Variants in MYO1H observed in about 807,000 individuals in gnomAD.
MYO1H encodes unconventional myosin-Ih.
In MYO1H, 118 loss-of-function variants were observed where a neutral mutation model predicts 149.3. The ratio of observed to expected loss-of-function variants is 0.79; its 90% CI spans 0.68 to 0.92. The LOEUF (loss-of-function observed/expected upper bound fraction) is 0.92, where lower values mean the gene tolerates loss of function less well. Ranked by LOEUF, MYO1H falls within the 40% of genes least tolerant of loss-of-function variation. The pLI is 0.00. For synonymous variants in MYO1H, 447 were observed against 465.2 expected, an observed-to-expected ratio of 0.96 and a Z score of 0.50; for missense variants, 1,212 against 1,280.7, an observed-to-expected ratio of 0.95 and a Z score of 0.82.
At chr12:109,355,865 G>A (rs1045587433) in intron 1 of MYO1H, among the ~76,000 whole-genome samples, 3 of 137,740 alleles carry the variant, frequency 2.2e-5, no homozygotes, top group Non-Finnish European at 3.1e-5. Context: ...GTGCTGCCAC[G>A]CCCAGCAAAT....
chr12:109,410,711 C>A (rs759100663), exon 13 of MYO1H: 1 of 1,600,398 alleles, frequency 6.2e-7, no homozygotes, highest in Non-Finnish European at 8.5e-7. Flanking sequence ...AATATTTCAA[C>A]AACAAGATCA....
chr12:109,409,430 T>A, intron 10 of MYO1H, 127 bp from the exon 11 acceptor site: 1 of 823,318 alleles, frequency 1.2e-6, no homozygotes, highest in Non-Finnish European at 2.1e-6. Flanking sequence ...CCAAAGATTT[T>A]CCGCATTGTT....
intron 2 of MYO1H, 46 bp from the exon 3 acceptor site, chr12:109,393,285 T>A: frequency 3.3e-6 from 4 of 1,205,654 alleles, no homozygotes; most frequent in Non-Finnish European, 4.8e-6. Flanking sequence ...GTGACAGTCT[T>A]TTGCACCCCA....
chr12:109,442,200 T>C lies in MYO1H; in HGVS notation c.2633-17T>C, dbSNP rs1231206523. Reference sequence around the variant, plus strand: ...GTACTTTAGTGATGATTCATGGCCTTCTGGTTCCCTCTCTAGATGAAGGAG... The same window carrying C: ...GTACTTTAGTGATGATTCATGGCCTCCTGGTTCCCTCTCTAGATGAAGGAG... On this transcript the variant is annotated splice_polypyrimidine_tract_variant and intron_variant, in intron 26 of 31. Coordinates refer to ENST00000310903, the Ensembl canonical transcript of MYO1H. 6.2e-7 allele frequency: 1 copy of C among 1,612,684 alleles called. No homozygotes were observed. Among genetic ancestry groups the C allele is most frequent in the Admixed American group, 1.7e-5 (1 of 60,018 alleles).
At chr12:109,392,962 A>G (rs1566025024) in intron 2 of MYO1H, among the ~76,000 whole-genome samples, 1 of 151,704 alleles carries the variant, frequency 6.6e-6, no homozygotes, top group African/African-American at 2.4e-5. Flanking sequence ...GGCATGCACC[A>G]TCACACCTGG....
At chr12:109,432,330 C>T (rs1427733157) in intron 19 of MYO1H, among the ~76,000 whole-genome samples, 1 of 151,878 alleles carries the variant, frequency 6.6e-6, no homozygotes, top group East Asian at 1.9e-4. Flanking sequence ...CGGGGTCTGC[C>T]CAGGCTGGTC....
At chr12:109,401,182 C>T in exon 6 of MYO1H, 6 of 1,613,910 alleles carry the variant, frequency 3.7e-6, no homozygotes, top group Non-Finnish European at 5.1e-6. Flanking sequence ...ATTTCCACAT[C>T]TTCTACCAGC....
At chr12:109,360,155 A>T (rs113417268) in intron 1 of MYO1H, among the ~76,000 whole-genome samples, 214 of 151,022 alleles carry the variant, frequency 1.4e-3, no homozygotes, top group African/African-American at 5.0e-3. Flanking sequence ...GTGGATAAAT[A>T]TGAGACTGCA....
At chr12:109,408,079 G>A in intron 10 of MYO1H, 166 bp downstream of exon 10, 2 of 815,518 alleles carry the variant, frequency 2.5e-6, no homozygotes, top group Non-Finnish European at 3.9e-6. Context: ...CAGTATGGGT[G>A]CATGCCGAAT....
intron 23 of MYO1H, 28 bp from the exon 24 acceptor site, chr12:109,439,602 GA>G: frequency 6.3e-7 from 1 of 1,588,304 alleles, no homozygotes; most frequent in Non-Finnish European, 8.6e-7. Flanking sequence ...AAATGGTCCA[GA>G]AAAGTAAGAA....
the MYO1H span, among the ~76,000 whole-genome samples, chr12:109,316,689 A>G: frequency 2.0e-5 from 3 of 152,174 alleles, no homozygotes; most frequent in Non-Finnish European, 2.9e-5. Context: ...AGGGTTTACA[A>G]TAGGAACAAT....
chr12:109,421,664 G>A (rs553391326), intron 16 of MYO1H, among the ~76,000 whole-genome samples: 10 of 152,222 alleles, frequency 6.6e-5, no homozygotes, highest in African/African-American at 2.4e-4. Flanking sequence ...GGGGTGACAT[G>A]ATCTGAGGAC....
chr12:109,439,645 T>C, exon 24 of MYO1H: 3 of 1,612,342 alleles, frequency 1.9e-6, no homozygotes, highest in Non-Finnish European at 1.7e-6. Flanking sequence ...ATTAAAGGAT[T>C]CATCAGTCGC....
At chr12:109,376,402 A>C (rs1233342199) in intron 1 of MYO1H, among the ~76,000 whole-genome samples, 1 of 152,190 alleles carries the variant, frequency 6.6e-6, no homozygotes, top group Non-Finnish European at 1.5e-5. Flanking sequence ...AGGTTCATCC[A>C]TGTTGTAACA....
At chr12:109,417,710 A>G (rs536479514) in intron 15 of MYO1H, among the ~76,000 whole-genome samples, 3 of 152,308 alleles carry the variant, frequency 2.0e-5, no homozygotes, top group Admixed American at 6.5e-5. Context: ...CTAATGACCT[A>G]TGATATTAAA....
Position 109,415,521 on chromosome 12 carries a change from C to G in MYO1H, c.1503-5C>G, listed in dbSNP as rs779703524. ...GTTCAACTCGTGTCTATTTCTGTCT[C>G]GTAGCCGTAAGCTGGCTGGTCCAAA... On this transcript the variant is annotated splice_region_variant and splice_polypyrimidine_tract_variant and intron_variant, in intron 14 of 31. Coordinates refer to ENST00000310903, the Ensembl canonical transcript of MYO1H. 4 of 1,598,590 alleles carry G rather than the reference C, an allele frequency of 2.5e-6. No homozygotes were observed. In the Admixed American group the frequency reaches 6.9e-5, roughly 28 times the overall value.
rs1453373172 is a variant in MYO1H at position 109,424,246 on chromosome 12, G to A, written c.1645-502G>A. On this transcript the variant is annotated intron_variant, in intron 16 of 31. Coordinates refer to ENST00000310903, the Ensembl canonical transcript of MYO1H. The stretch of plus-strand genomic sequence containing the variant: ...CGCAATCAGAGTTCACTGCAGCCTC[G>A]ACTTCGTGGGCTCAAGTGATCCTCC... Among the ~76,000 whole-genome samples, 5 of 151,926 alleles carry A rather than the reference G, an allele frequency of 3.3e-5. 1 individual carries two copies. The highest frequency in any genetic ancestry group is 4.1e-4 in the South Asian group (2 of 4,826).
chr12:109,410,728 A>G, exon 13 of MYO1H: 1 of 1,602,682 alleles, frequency 6.2e-7, no homozygotes, highest in Non-Finnish European at 8.5e-7. Context: ...ATCATCTGTG[A>G]TTTGGTAGAA....
chr12:109,398,468 G>A (rs550176441), intron 5 of MYO1H, among the ~76,000 whole-genome samples: 3 of 152,198 alleles, frequency 2.0e-5, no homozygotes, highest in South Asian at 2.1e-4. Context: ...CACAAGGGCC[G>A]GATGCAGTGG....
Sources: gnomAD v4.1 joint callset for allele counts (sites outside exome capture counted in the v4.1 genomes callset) on GRCh38, gnomAD v4.1.1 for gene constraint, MANE v1.5 for transcripts, NCBI Gene and HGNC (gene_info 2026-07-23, HGNC 2026-07-21) for gene names.